Variants in NAT1 observed in about 807,000 individuals in gnomAD.
NAT1 encodes N-acetyltransferase 1.
For synonymous variants in NAT1, 144 were observed against 122.6 expected (o/e 1.17, Z -1.16); for missense variants, 400 against 339.2 (o/e 1.18, Z -1.41).
intron 2 of NAT1, among the ~76,000 whole-genome samples, chr8:18,184,110 C>G (rs1245838601): frequency 3.3e-5 from 5 of 152,126 alleles, no homozygotes. Context: ...CTGTGGTGGC[C>G]CCACCCCTGT....
chr8:18,179,954 G>A (rs898334210), intron 2 of NAT1, among the ~76,000 whole-genome samples: 2 of 152,152 alleles, frequency 1.3e-5, no homozygotes, highest in Admixed American at 6.6e-5. Context: ...ATGTCATAAG[G>A]CAACAATAAC....
chr8:18,186,605 T>C (rs967659052), intron 2 of NAT1, among the ~76,000 whole-genome samples: 1 of 152,180 alleles, frequency 6.6e-6, no homozygotes, highest in Non-Finnish European at 1.5e-5. Flanking sequence ...TCTTATTGTA[T>C]TTTTATTTTC....
At position 18,222,083 on chromosome 8, in the gene NAT1, T is replaced by C; in HGVS notation, c.36T>C (p.Tyr12=). Residue 12 remains tyrosine, a synonymous_variant, in exon 3 of 3, where the codon TAT becomes TAC. Coordinates refer to ENST00000307719, the MANE Select transcript of NAT1 (RefSeq NM_000662.8). ...DIEAYLERIG[Y]KKSRNKLDLE... ...AAGCATATCTTGAAAGAATTGGCTA[T>C]AAGAAGTCTAGGAACAAATTGGACT... 1 of 1,614,046 alleles carries C rather than the reference T, an allele frequency of 6.2e-7. No homozygotes were observed. The highest frequency in any genetic ancestry group is 8.5e-7 in the Non-Finnish European group (1 of 1,179,940).
In NAT1 at chr8:18,196,118, A is replaced by AT. The variant is rs796356411; in HGVS notation, n.93-13652dup. Among the ~76,000 whole-genome samples, 186 of 146,888 alleles carry AT rather than the reference A, an allele frequency of 1.3e-3. 5 individuals are homozygous for AT. Among genetic ancestry groups the AT allele is most frequent in the Admixed American group, 5.6e-3 (83 of 14,792 alleles). Reference sequence around the variant, plus strand: ...AAACATTACACTTTATACAACTTTTATTTTTTTTTTTAATAGAGACAAGGT... The same window carrying AT: ...AAACATTACACTTTATACAACTTTTATTTTTTTTTTTTAATAGAGACAAGGT... On this transcript the variant is annotated intron_variant and non_coding_transcript_variant, in intron 2 of 4. Transcript: ENST00000517441.
upstream of NAT1, among the ~76,000 whole-genome samples, chr8:18,205,586 C>T (rs1331077802): frequency 6.6e-6 from 1 of 152,108 alleles, no homozygotes; most frequent in Non-Finnish European, 1.5e-5. Flanking sequence ...ACTGTACTCC[C>T]GCCACAGCAG....
chr8:18,170,668 T>C (rs1802062999), intron 1 of NAT1: 1 of 152,200 alleles, frequency 6.6e-6, no homozygotes, highest in Non-Finnish European at 1.5e-5. Flanking sequence ...ACTTGGACTT[T>C]TCTTTAACAG....
intron 1 of NAT1, among the ~76,000 whole-genome samples, chr8:18,216,182 G>A (rs1156525612): frequency 1.3e-5 from 2 of 152,130 alleles, no homozygotes; most frequent in African/African-American, 4.8e-5. Flanking sequence ...TCAGCCAGTT[G>A]GTTACCCTGA....
chr8:18,206,288 C>A (rs900370718), upstream of NAT1, among the ~76,000 whole-genome samples: 5 of 152,168 alleles, frequency 3.3e-5, no homozygotes, highest in Non-Finnish European at 7.3e-5. Context: ...CCCTCTCAGT[C>A]CACCTTCTGT....
At chr8:18,182,055 G>C (rs188270851) in intron 2 of NAT1, among the ~76,000 whole-genome samples, 1 of 152,072 alleles carries the variant, frequency 6.6e-6, no homozygotes, top group Non-Finnish European at 1.5e-5. Context: ...CCTCTCTATG[G>C]TGCCTGGCAT....
In NAT1 at chr8:18,222,181, G is replaced by T. The variant is rs1236531495; in HGVS notation, c.134G>T (p.Gly45Val). The T allele has an allele frequency of 4.3e-6, 7 of 1,614,124 alleles. No homozygotes were observed. Among genetic ancestry groups the T allele is most frequent in the Non-Finnish European group, 5.9e-6 (7 of 1,180,010 alleles). Residue 45 changes from glycine (G) to valine (V), a missense_variant, in exon 3 of 3, where the codon GGG becomes GTG. Transcript: ENST00000307719. Reference protein sequence around the residue: ...VPFENLNIHCGDAMDLGLEAI... With the variant: ...VPFENLNIHCVDAMDLGLEAI... ...TTTGAGAACCTTAACATCCATTGTG[G>T]GGATGCCATGGACTTAGGCTTAGAG...
chr8:18,173,372 C>T (rs1252154799), intron 2 of NAT1, among the ~76,000 whole-genome samples: 2 of 152,276 alleles, frequency 1.3e-5, no homozygotes, highest in Admixed American at 1.3e-4. Context: ...TCTTGTTTTC[C>T]ACCTCATGGA....
intron 2 of NAT1, among the ~76,000 whole-genome samples, chr8:18,199,190 T>C (rs1011002237): frequency 6.6e-6 from 1 of 151,786 alleles, no homozygotes; most frequent in African/African-American, 2.4e-5. Context: ...GGCGCACATC[T>C]ATAGTCTCAG....
chr8:18,181,972 C>A (rs1802541170), intron 2 of NAT1, among the ~76,000 whole-genome samples: 1 of 152,100 alleles, frequency 6.6e-6, no homozygotes. Context: ...CCGTGGCAGG[C>A]CTGACTCTAA....
intron 2 of NAT1, among the ~76,000 whole-genome samples, chr8:18,187,501 C>T (rs1802788122): frequency 6.6e-6 from 1 of 152,146 alleles, no homozygotes; most frequent in Non-Finnish European, 1.5e-5. Flanking sequence ...GGTACATATA[C>T]ACCCTGGAAT....
chr8:18,170,921 G>A (rs1301009625), intron 2 of NAT1, among the ~76,000 whole-genome samples: 1 of 148,458 alleles, frequency 6.7e-6, no homozygotes, highest in Non-Finnish European at 1.5e-5. Context: ...TTTTTCTCCT[G>A]TTTTACTGAA....
chr8:18,198,627 T>C (rs1235508186), intron 2 of NAT1, among the ~76,000 whole-genome samples: 2 of 152,246 alleles, frequency 1.3e-5, no homozygotes, highest in Admixed American at 1.3e-4. Flanking sequence ...TCCCCAGTAG[T>C]ACTGAAGTAT....
At chr8:18,187,434 C>T (rs923004493) in intron 2 of NAT1, among the ~76,000 whole-genome samples, 14 of 152,308 alleles carry the variant, frequency 9.2e-5, no homozygotes, top group Admixed American at 6.5e-4. Context: ...ATAGCAAAGA[C>T]ATGGAATTAA....
At chr8:18,180,670 TAAAG>T in intron 2 of NAT1, among the ~76,000 whole-genome samples, 1 of 152,266 alleles carries the variant, frequency 6.6e-6, no homozygotes, top group East Asian at 1.9e-4. Context: ...GTTCTCACCA[TAAAG>T]AAATAATAAG....
Position 18,196,998 on chromosome 8 carries a change from G to A in NAT1, n.93-12783G>A, listed in dbSNP as rs112480295. 7.4e-3 allele frequency among the ~76,000 whole-genome samples: 1,127 copies of A among 152,236 alleles called. 23 individuals are homozygous for A. The highest frequency in any genetic ancestry group is 0.026 in the African/African-American group (1,078 of 41,512). On this transcript the variant is annotated intron_variant and non_coding_transcript_variant, in intron 2 of 4. Coordinates refer to the NAT1 transcript ENST00000517441. Reference sequence around the variant, plus strand: ...GACTCACAGCTCTGCAGGCGTTAACGGGAAGCATGGCTAAGAGGTCTCAGG... The same window carrying A: ...GACTCACAGCTCTGCAGGCGTTAACAGGAAGCATGGCTAAGAGGTCTCAGG...
Sources: gnomAD v4.1 joint callset for allele counts (sites outside exome capture counted in the v4.1 genomes callset) on GRCh38, gnomAD v4.1.1 for gene constraint, MANE v1.5 for transcripts, NCBI Gene and HGNC (gene_info 2026-07-23, HGNC 2026-07-21) for gene names.